The following NDUFAF6 variants were observed in gnomAD, a reference collection of about 807,000 sequenced individuals.
NDUFAF6 encodes NADH dehydrogenase (ubiquinone) complex I, assembly factor 6.
A neutral mutation model predicts 40.8 loss-of-function variants in NDUFAF6; 45 were observed. The ratio of observed to expected loss-of-function variants is 1.10; its 90% confidence interval spans 0.87 to 1.42. The LOEUF is 1.42. NDUFAF6 is among the 40% of genes most tolerant of loss of function. The probability of loss-of-function intolerance (pLI) is 0.00; values close to 1 mark genes in which losing one functional copy is unlikely to be tolerated. For missense variants in NDUFAF6, 435 were observed against 418.5 expected (o/e 1.04, Z -0.34); for synonymous variants, 185 against 155.9 (o/e 1.19, Z -1.39).
intron 1 of NDUFAF6, among the ~76,000 whole-genome samples, chr8:95,027,838 C>G (rs1314377403): frequency 6.6e-6 from 1 of 152,178 alleles, no homozygotes; most frequent in Admixed American, 6.5e-5. Context: ...GCATTTTATG[C>G]AAGGCCTCTA....
At chr8:94,920,547 A>G (rs1563709794) in intron 1 of NDUFAF6, among the ~76,000 whole-genome samples, 1 of 152,172 alleles carries the variant, frequency 6.6e-6, no homozygotes. Flanking sequence ...CATGTCCCCC[A>G]CCCAGGGTGG....
chr8:94,923,449 A>G (rs752786144), intron 1 of NDUFAF6, among the ~76,000 whole-genome samples: 5 of 152,214 alleles, frequency 3.3e-5, no homozygotes, highest in Admixed American at 1.3e-4. Flanking sequence ...GGCCAAAGCT[A>G]TCTATACAAC....
At chr8:94,929,614 T>C (rs1820201570) in intron 1 of NDUFAF6, 1 of 152,104 alleles carries the variant, frequency 6.6e-6, no homozygotes, top group African/African-American at 2.4e-5. Flanking sequence ...GTCACTTGAG[T>C]GCCTGGACAA....
At chr8:94,955,474 C>T (rs1025867222), upstream of NDUFAF6, among the ~76,000 whole-genome samples, 22 of 152,334 alleles carry the variant, frequency 1.4e-4, no homozygotes, top group East Asian at 1.2e-3. Context: ...TAAAGGTCCA[C>T]CTGTCAACAC....
chr8:95,019,047 TAGACCCTGGCTGGAGTGCGATGGCATG>T (rs1586978042), intron 2 of NDUFAF6, among the ~76,000 whole-genome samples: 1 of 152,322 alleles, frequency 6.6e-6, no homozygotes, highest in East Asian at 1.9e-4. Flanking sequence ...AGTCTCGCTC[TAGACCCTGGCTGGAGTGCGATGGCATG>T]ATCTTGGCTC....
At chr8:94,910,137 CT>C (rs1199430305) in intron 1 of NDUFAF6, among the ~76,000 whole-genome samples, 1 of 151,648 alleles carries the variant, frequency 6.6e-6, no homozygotes, top group Non-Finnish European at 1.5e-5. Context: ...CATTTAGGAA[CT>C]TTTTTTTGTT....
intron 1 of NDUFAF6, among the ~76,000 whole-genome samples, chr8:94,922,294 AC>A (rs1020546835): frequency 1.3e-5 from 2 of 150,528 alleles, no homozygotes; most frequent in African/African-American, 4.9e-5. Flanking sequence ...ACAGGCATGA[AC>A]CACCGAGTCC....
intron 1 of NDUFAF6, chr8:95,100,674 T>C (rs745617619): frequency 2.0e-5 from 3 of 152,250 alleles, no homozygotes; most frequent in Non-Finnish European, 2.9e-5. Flanking sequence ...TGACGCAGCT[T>C]CCAGTATGAT....
At chr8:95,087,372 A>G (rs1809085871) in intron 2 of NDUFAF6, among the ~76,000 whole-genome samples, 1 of 152,098 alleles carries the variant, frequency 6.6e-6, no homozygotes, top group African/African-American at 2.4e-5. Flanking sequence ...TCTTGGAGTA[A>G]GAGGCTCTGT....
In NDUFAF6 at chr8:94,982,238, A is replaced by T. The variant is rs552604636; in HGVS notation, c.-84+1265A>T. Among the ~76,000 whole-genome samples the T allele has an allele frequency of 1.7e-4, 26 of 152,228 alleles. No homozygotes were observed. In the South Asian group the frequency reaches 4.6e-3, roughly 27 times the overall value. The stretch of plus-strand genomic sequence containing the variant: ...CAGAGCGAGACTCCATCTCAAAAAA[A>T]AAAAATTATACATCTTTTCTATGCT... On this transcript the variant is annotated intron_variant, in intron 2 of 9. Coordinates refer to the NDUFAF6 transcript ENST00000396111.
At chr8:94,911,628 G>A (rs1223971660) in intron 1 of NDUFAF6, among the ~76,000 whole-genome samples, 1 of 152,178 alleles carries the variant, frequency 6.6e-6, no homozygotes, top group African/African-American at 2.4e-5. Flanking sequence ...ATATACAATG[G>A]TACCTTGGCC....
chr8:95,006,396 A>G lies in NDUFAF6; in HGVS notation c.-84+25423A>G, dbSNP rs75616784. ...AAAAAAGAAAGAAAAGAAAAAGAAAAAAAGACATCTCTGTAAGACTTATCT... is the reference window on the plus strand; with the variant it reads ...AAAAAAGAAAGAAAAGAAAAAGAAAGAAAGACATCTCTGTAAGACTTATCT... On this transcript the variant is annotated intron_variant, in intron 2 of 9. Coordinates refer to the NDUFAF6 transcript ENST00000396111. Among the ~76,000 whole-genome samples the G allele has an allele frequency of 9.9e-3, 1,505 of 151,836 alleles. 26 individuals carry two copies. Among genetic ancestry groups the G allele is most frequent in the African/African-American group, 0.034 (1,399 of 41,358 alleles).
At chr8:95,075,893 C>A in exon 10 of NDUFAF6, 1 of 346,190 alleles carries the variant, frequency 2.9e-6, no homozygotes, top group Non-Finnish European at 5.6e-6. Context: ...TTAGTGTGAG[C>A]CAGACTGGGC....
chr8:95,032,228 C>T (rs1199883003), intron 2 of NDUFAF6, 134 bp downstream of exon 2: 5 of 772,518 alleles, frequency 6.5e-6, no homozygotes, highest in South Asian at 4.4e-5. Context: ...TTTCTTTTCC[C>T]TGCTAACTGT....
At chr8:94,998,080 T>A (rs1452969564) in intron 2 of NDUFAF6, among the ~76,000 whole-genome samples, 1 of 152,192 alleles carries the variant, frequency 6.6e-6, no homozygotes, top group African/African-American at 2.4e-5. Flanking sequence ...AGATTTACCT[T>A]AAGCTTCACA....
At chr8:94,918,636 G>A (rs1292560860) in intron 1 of NDUFAF6, among the ~76,000 whole-genome samples, 1 of 152,144 alleles carries the variant, frequency 6.6e-6, no homozygotes, top group East Asian at 1.9e-4. Context: ...CACCCCGCAT[G>A]GGGATACATA....
intron 1 of NDUFAF6, among the ~76,000 whole-genome samples, chr8:94,902,291 T>C (rs913694412): frequency 6.6e-6 from 1 of 151,900 alleles, no homozygotes; most frequent in African/African-American, 2.4e-5. Context: ...TGGTGACCCA[T>C]GCCTGTAATT....
chr8:94,990,562 A>G, intron 2 of NDUFAF6, among the ~76,000 whole-genome samples: 1 of 152,140 alleles, frequency 6.6e-6, no homozygotes, highest in Admixed American at 6.5e-5. Context: ...TCTAACTGGA[A>G]CCCCTCTGAA....
chr8:94,946,712 A>AAAAAAAAAAAAAAAAAAAC (rs1563736816), intron 2 of NDUFAF6, among the ~76,000 whole-genome samples: 1 of 148,312 alleles, frequency 6.7e-6, no homozygotes, highest in Non-Finnish European at 1.5e-5. Context: ...AAAAAAAAAA[A>AAAAAAAAAAAAAAAAAAAC]AAAAAAAAGA....
Sources: gnomAD v4.1 joint callset for allele counts (sites outside exome capture counted in the v4.1 genomes callset) on GRCh38, gnomAD v4.1.1 for gene constraint, MANE v1.5 for transcripts, NCBI Gene and HGNC (gene_info 2026-07-23, HGNC 2026-07-21) for gene names.